Variants in ARMC8 observed in about 807,000 individuals in gnomAD.
ARMC8 encodes the protein armadillo repeat-containing protein 8.
Under a neutral mutation model 99.3 loss-of-function variants are expected in ARMC8, and 20 were observed. That is an observed-to-expected ratio of 0.20 (90% CI 0.14 to 0.29). The LOEUF is 0.29. Among genes scored for constraint, ARMC8 ranks in the 10% least tolerant of loss-of-function variants. ARMC8 has a pLI of 1.00. For synonymous variants in ARMC8, 263 were observed against 278.3 expected, an observed-to-expected ratio of 0.95 and a Z score of 0.55; for missense variants, 569 against 809.5, an observed-to-expected ratio of 0.70 and a Z score of 3.60.
At chr3:138,263,640 C>T (rs982923516) in intron 12 of ARMC8, 99 bp from the exon 13 acceptor site, 18 of 1,095,300 alleles carry the variant, frequency 1.6e-5, no homozygotes, top group East Asian at 2.4e-5. Context: ...CCAAAAACAA[C>T]GTTAAACTTT....
intron 11 of ARMC8, among the ~76,000 whole-genome samples, chr3:138,243,194 G>A (rs2046709968): frequency 6.6e-6 from 1 of 152,188 alleles, no homozygotes; most frequent in Non-Finnish European, 1.5e-5. Context: ...TGTAGCCTAT[G>A]CATATGCAAA....
At chr3:138,205,856 C>G (rs2044345645) in intron 1 of ARMC8, among the ~76,000 whole-genome samples, 1 of 152,176 alleles carries the variant, frequency 6.6e-6, no homozygotes, top group African/African-American at 2.4e-5. Context: ...AATGGCTTCC[C>G]AACTTGGACC....
chr3:138,228,752 CA>C (rs1210529380), intron 5 of ARMC8, 165 bp from the exon 6 acceptor site: 1 of 579,690 alleles, frequency 1.7e-6, no homozygotes, highest in Non-Finnish European at 3.3e-6. Context: ...TTGGCCTAGA[CA>C]GTTTTCATGG....
chr3:138,192,123 C>G (rs1164246654), intron 1 of ARMC8, among the ~76,000 whole-genome samples: 1 of 152,090 alleles, frequency 6.6e-6, no homozygotes, highest in Non-Finnish European at 1.5e-5. Flanking sequence ...ATATATGAGA[C>G]ATTGTTTCTC....
At chr3:138,224,783 A>T (rs1160952627) in intron 5 of ARMC8, among the ~76,000 whole-genome samples, 1 of 152,230 alleles carries the variant, frequency 6.6e-6, no homozygotes, top group East Asian at 1.9e-4. Flanking sequence ...ACATAAATAA[A>T]GTCTCAAAAA....
chr3:138,276,706 T>C (rs1164560324), intron 18 of ARMC8, among the ~76,000 whole-genome samples: 2 of 152,118 alleles, frequency 1.3e-5, no homozygotes, highest in African/African-American at 4.8e-5. Context: ...TATGTATAAA[T>C]CTCACAAGGA....
intron 20 of ARMC8, among the ~76,000 whole-genome samples, chr3:138,289,482 A>G (rs2050741917): frequency 6.6e-6 from 1 of 152,244 alleles, no homozygotes; most frequent in Admixed American, 6.5e-5. Flanking sequence ...GAGGAAGCAC[A>G]TATGAGGACT....
At chr3:138,248,503 A>T (rs1158689965) in intron 12 of ARMC8, among the ~76,000 whole-genome samples, 2 of 152,252 alleles carry the variant, frequency 1.3e-5, no homozygotes, top group Non-Finnish European at 2.9e-5. Flanking sequence ...ATGGGATATT[A>T]AAAATGGAAG....
chr3:138,261,249 T>G (rs543606359), intron 12 of ARMC8, among the ~76,000 whole-genome samples: 2 of 152,330 alleles, frequency 1.3e-5, no homozygotes, highest in African/African-American at 4.8e-5. Context: ...TAAGGTATAG[T>G]GCTAAGTAAA....
chr3:138,216,503 A>G (rs1488377647), intron 2 of ARMC8, among the ~76,000 whole-genome samples: 1 of 152,228 alleles, frequency 6.6e-6, no homozygotes, highest in Admixed American at 6.5e-5. Flanking sequence ...TTCCTTAACC[A>G]TGCATGATAA....
chr3:138,270,652 A>T (rs2048704376), intron 16 of ARMC8, among the ~76,000 whole-genome samples: 2 of 152,210 alleles, frequency 1.3e-5, no homozygotes, highest in South Asian at 4.1e-4. Context: ...ATTTGAGCTA[A>T]TTAATTAACA....
At chr3:138,290,803 G>A (rs1403189093) in intron 21 of ARMC8, among the ~76,000 whole-genome samples, 164 bp downstream of exon 21, 2 of 152,308 alleles carry the variant, frequency 1.3e-5, no homozygotes, top group African/African-American at 2.4e-5. Context: ...TGAGTGAGCT[G>A]TAAACTAATA....
chr3:138,233,052 C>CG (rs200819763), intron 6 of ARMC8, among the ~76,000 whole-genome samples: 1,710 of 152,308 alleles, frequency 0.011, 35 homozygotes, highest in African/African-American at 0.038. Flanking sequence ...CGAATCCTTA[C>CG]GAGACCCCTG....
chr3:138,269,000 G>A (rs541913451), intron 15 of ARMC8, among the ~76,000 whole-genome samples: 2 of 152,160 alleles, frequency 1.3e-5, no homozygotes, highest in East Asian at 1.9e-4. Flanking sequence ...AATATTAAGC[G>A]TAAAAGGGGC....
intron 1 of ARMC8, among the ~76,000 whole-genome samples, chr3:138,201,751 G>T (rs1406541507): frequency 6.6e-6 from 1 of 151,992 alleles, no homozygotes; most frequent in Non-Finnish European, 1.5e-5. Flanking sequence ...GGGCCACTGC[G>T]CCCGACCTTA....
chr3:138,218,323 T>A (rs1289173278), intron 2 of ARMC8, among the ~76,000 whole-genome samples: 1 of 152,200 alleles, frequency 6.6e-6, no homozygotes, highest in East Asian at 1.9e-4. Flanking sequence ...GCTTCCTTCA[T>A]GCCCCTTCTG....
At chr3:138,217,621 A>G (rs2045141372) in intron 2 of ARMC8, among the ~76,000 whole-genome samples, 1 of 152,194 alleles carries the variant, frequency 6.6e-6, no homozygotes, top group Non-Finnish European at 1.5e-5. Flanking sequence ...GTGGGAGCTT[A>G]TCAAGTCCAT....
chr3:138,244,777 A>T (rs995422778), intron 11 of ARMC8, among the ~76,000 whole-genome samples: 3 of 152,234 alleles, frequency 2.0e-5, no homozygotes, highest in African/African-American at 7.2e-5. Context: ...GTGCCAGTAA[A>T]GCTACCATTT....
intron 2 of ARMC8, among the ~76,000 whole-genome samples, chr3:138,210,388 A>C (rs2044623905): frequency 6.6e-6 from 1 of 152,176 alleles, no homozygotes; most frequent in Admixed American, 6.5e-5. Flanking sequence ...TTTTCTCCAA[A>C]ATTTCATGTT....
Sources: allele counts gnomAD v4.1 joint callset (sites outside exome capture counted in the v4.1 genomes callset), GRCh38; gene constraint gnomAD v4.1.1; transcripts MANE v1.5; gene names NCBI Gene and HGNC (gene_info 2026-07-23, HGNC 2026-07-21).